FOXK1: variants seen among roughly 807,000 people sequenced by gnomAD.
FOXK1 encodes the protein forkhead box protein K1.
FOXK1 carries 19 observed loss-of-function variants against 51.9 expected under a neutral mutation model. The ratio of observed to expected loss-of-function variants is 0.37; its 90% CI spans 0.26 to 0.54. FOXK1 has a LOEUF of 0.54. Among genes scored for constraint, FOXK1 ranks in the 20% least tolerant of loss-of-function variants. FOXK1 has a pLI of 0.87. For missense variants in FOXK1, 870 were observed against 1,032.7 expected (o/e 0.84, Z 2.16); for synonymous variants, 537 against 482.6 (o/e 1.11, Z -1.48).
intron 1 of FOXK1, among the ~76,000 whole-genome samples, chr7:4,701,619 G>A (rs564539755): frequency 3.9e-5 from 6 of 152,338 alleles, no homozygotes; most frequent in East Asian, 1.9e-4. Context: ...AAGGCCAGGC[G>A]CAGTGGCTCA....
chr7:4,691,660 A>G (rs1247920683), intron 1 of FOXK1, among the ~76,000 whole-genome samples: 2 of 152,156 alleles, frequency 1.3e-5, no homozygotes, highest in Non-Finnish European at 2.9e-5. Context: ...TGATTTGATT[A>G]AGAAGAATCT....
rs1010026354 is a variant in FOXK1 at position 4,722,858 on chromosome 7, C to G, written c.561-17980C>G. On this transcript the variant is annotated intron_variant, in intron 1 of 8. Coordinates refer to ENST00000328914, the MANE Select transcript of FOXK1 (RefSeq NM_001037165.2). This position sits in a 1 kb window ranked among gnomAD's most constrained non-coding sequence, Gnocchi z 5.1. ...TCTCCATCCCTCTCTCGTTTGGGCT[C>G]CGGTTCCCGCAGAATTGGCATCCAG... Among the ~76,000 whole-genome samples, 1 of 152,044 alleles carries G rather than the reference C, an allele frequency of 6.6e-6. No homozygotes were observed. Among genetic ancestry groups the G allele is most frequent in the Non-Finnish European group, 1.5e-5 (1 of 68,014 alleles).
rs923532569 is a variant in FOXK1, at chr7:4,749,505, T to A, written c.747-4954T>A. Among the ~76,000 whole-genome samples the A allele has an allele frequency of 1.3e-5, 2 of 151,998 alleles. No individual in the cohort carries two copies. The highest frequency in any genetic ancestry group is 1.9e-4 in the East Asian group (1 of 5,170). On this transcript the variant is annotated intron_variant, in intron 2 of 8. Transcript: ENST00000328914. The surrounding 1 kb of genome is among the most constrained non-coding windows in gnomAD (Gnocchi z 6.0). Reference sequence around the variant, plus strand: ...CAGGTGCCGCCTTGGGACGCAAAGGTCATCGCAGACCCCCGCAGCCTTCTC... The same window carrying A: ...CAGGTGCCGCCTTGGGACGCAAAGGACATCGCAGACCCCCGCAGCCTTCTC...
chr7:4,702,524 T>C (rs1780033745), intron 1 of FOXK1, among the ~76,000 whole-genome samples: 1 of 152,128 alleles, frequency 6.6e-6, no homozygotes, highest in African/African-American at 2.4e-5. Context: ...TTTGTATTTT[T>C]AGTAGAGACA....
intron 1 of FOXK1, among the ~76,000 whole-genome samples, chr7:4,689,104 A>C (rs1339855443): frequency 6.6e-6 from 1 of 151,618 alleles, no homozygotes; most frequent in Admixed American, 6.6e-5. Flanking sequence ...CAGCCTCCTG[A>C]GTAGCTGGGA....
At chr7:4,689,279 C>A (rs1160185875) in intron 1 of FOXK1, among the ~76,000 whole-genome samples, 3 of 152,122 alleles carry the variant, frequency 2.0e-5, no homozygotes, top group Non-Finnish European at 4.4e-5. Flanking sequence ...CACCCGGCCA[C>A]CGGTACTTTT....
chr7:4,731,380 C>G lies in FOXK1; in HGVS notation c.561-9458C>G, dbSNP rs1375248328. Among the ~76,000 whole-genome samples, 1 of 152,226 alleles carries G rather than the reference C, an allele frequency of 6.6e-6. No individual in the cohort carries two copies. Among genetic ancestry groups the G allele is most frequent in the African/African-American group, 2.4e-5 (1 of 41,466 alleles). ...GCAGCCTGCAAAATTCGAAAAGTAC[C>G]TGGAGTATGTAACAGCTTTTGCCTC... On this transcript the variant is annotated intron_variant, in intron 1 of 8. Transcript: ENST00000328914. This position sits in a 1 kb window ranked among gnomAD's most constrained non-coding sequence, Gnocchi z 5.3.
At position 4,730,661 on chromosome 7, in the gene FOXK1, C is replaced by T. The variant is rs1250000036; in HGVS notation, c.561-10177C>T. 2.6e-5 allele frequency among the ~76,000 whole-genome samples: 4 copies of T among 152,230 alleles called. No homozygotes were observed. The highest frequency in any genetic ancestry group is 9.6e-5 in the African/African-American group (4 of 41,458). On this transcript the variant is annotated intron_variant, in intron 1 of 8. Transcript: ENST00000328914. This position sits in a 1 kb window ranked among gnomAD's most constrained non-coding sequence, Gnocchi z 4.7. The stretch of plus-strand genomic sequence containing the variant: ...GCGGGTTCGTCTGTAACCTGTGTCC[C>T]TTCACTGCCATGCACTGCTCTTAGC...
intron 1 of FOXK1, among the ~76,000 whole-genome samples, chr7:4,706,006 A>ATATATACGTATATATACGTG (rs1780093168): frequency 6.0e-5 from 6 of 100,228 alleles, no homozygotes; most frequent in Non-Finnish European, 1.1e-4. Flanking sequence ...ATATATACGT[A>ATATATACGTATATATACGTG]TATATACGTA....
rs1779780405 is a variant in FOXK1 at position 4,683,514 on chromosome 7, A to G, written c.560+646A>G. ...CCAGCTCCACCCAGCTGGGTTACTG[A>G]GGTCACCTTGACCCCAGTCCCTGCT... On this transcript the variant is annotated intron_variant, in intron 1 of 8. Transcript: ENST00000328914. This position sits in a 1 kb window ranked among gnomAD's most constrained non-coding sequence, Gnocchi z 4.5. Among the ~76,000 whole-genome samples the G allele has an allele frequency of 6.7e-6, 1 of 150,090 alleles. No homozygotes were observed. Among genetic ancestry groups the G allele is most frequent in the East Asian group, 2.0e-4 (1 of 4,992 alleles).
chr7:4,700,854 C>T (rs1050464513), intron 1 of FOXK1, among the ~76,000 whole-genome samples: 1 of 152,184 alleles, frequency 6.6e-6, no homozygotes, highest in Non-Finnish European at 1.5e-5. Flanking sequence ...CAGTGCCTGG[C>T]ACATAGACAG....
rs142821715 is a variant in FOXK1 at position 4,746,249 on chromosome 7, C to T, written c.746+5226C>T. Among the ~76,000 whole-genome samples the T allele has an allele frequency of 6.0e-4, 91 of 152,326 alleles. No individual in the cohort carries two copies. The East Asian group carries it at 0.017, about 29-fold the overall frequency. On this transcript the variant is annotated intron_variant, in intron 2 of 8. Coordinates refer to ENST00000328914, the MANE Select transcript of FOXK1 (RefSeq NM_001037165.2). ...AATCATGATTTTTAAACAGTTCTGT[C>T]TTATTGCTAGATAACATTCAGTCCT... is the stretch of plus-strand genomic sequence containing the variant.
chr7:4,717,367 A>G (rs1403131173), intron 1 of FOXK1, among the ~76,000 whole-genome samples: 27 of 77,286 alleles, frequency 3.5e-4, no homozygotes, highest in East Asian at 8.8e-4. Context: ...TGGCTGGAAG[A>G]TGGTGGCGGG....
intron 1 of FOXK1, among the ~76,000 whole-genome samples, chr7:4,689,916 G>C (rs548279483): frequency 2.6e-5 from 4 of 152,268 alleles, no homozygotes; most frequent in Admixed American, 2.6e-4. Flanking sequence ...AGGAGTGGGC[G>C]TATGTGCTGA....
At chr7:4,705,776 AC>A (rs147171236) in intron 1 of FOXK1, among the ~76,000 whole-genome samples, 25 of 125,216 alleles carry the variant, frequency 2.0e-4, no homozygotes, top group African/African-American at 2.9e-4. Flanking sequence ...CAACCTCGTG[AC>A]CCCCCCCCGC....
At position 4,759,310 on chromosome 7, in the gene FOXK1, G is replaced by C; in HGVS notation, c.1412-1G>C. On this transcript the variant is annotated splice_acceptor_variant, in intron 6 of 8. Coordinates refer to ENST00000328914, the MANE Select transcript of FOXK1 (RefSeq NM_001037165.2). LOFTEE classifies it high-confidence loss of function. ...CCGTCCGCTCTCCGCCCTCCGTGCA[G>C]GCTCCCCCGTCAGCGCCCAGCCAGT... 1 of 1,601,044 alleles carries C rather than the reference G, an allele frequency of 6.2e-7. No homozygotes were observed. The highest frequency in any genetic ancestry group is 8.5e-7 in the Non-Finnish European group (1 of 1,177,998).
At position 4,759,057 on chromosome 7, in the gene FOXK1, T is replaced by C; in HGVS notation, c.1251T>C (p.Ala417=). The change falls in exon 6 of 9, where the codon GCT becomes GCC. Residue 417 remains alanine, a synonymous_variant. Transcript: ENST00000328914. ...GCCCTTGCCTGTCTTCCAGGAGCGC[T>C]CCAGCTTCGCCCACACACCCCGGGC... ...TPFGPLSSRS[A]PASPTHPGLM... 2 of 1,596,234 alleles carry C rather than the reference T, an allele frequency of 1.3e-6. No individual in the cohort carries two copies. Among genetic ancestry groups the C allele is most frequent in the Non-Finnish European group, 8.5e-7 (1 of 1,173,624 alleles).
intron 1 of FOXK1, among the ~76,000 whole-genome samples, chr7:4,708,081 G>T (rs538001662): frequency 6.6e-6 from 1 of 152,076 alleles, no homozygotes; most frequent in Admixed American, 6.5e-5. Context: ...GAACTGGAAG[G>T]ATGAGACCAG....
At chr7:4,718,216 G>A (rs1038376711) in intron 1 of FOXK1, among the ~76,000 whole-genome samples, 4 of 131,082 alleles carry the variant, frequency 3.1e-5, no homozygotes, top group African/African-American at 4.4e-5. Flanking sequence ...GCATCGGTGC[G>A]CTGTGTGTGG....
Sources: allele counts gnomAD v4.1 joint callset (sites outside exome capture counted in the v4.1 genomes callset), GRCh38; gene constraint gnomAD v4.1.1; non-coding constraint Gnocchi (gnomAD v3.1); transcripts MANE v1.5; gene names NCBI Gene and HGNC (gene_info 2026-07-23, HGNC 2026-07-21).